Variants in RNF150 observed in about 807,000 individuals in gnomAD.
The protein encoded by RNF150 is ring finger protein 150.
In RNF150, 24 loss-of-function variants were observed where a neutral mutation model predicts 39.3. That is an observed-to-expected ratio of 0.61 (90% CI 0.44 to 0.86). The LOEUF (loss-of-function observed/expected upper bound fraction) is 0.86, where lower values mean the gene tolerates loss of function less well. Among genes scored for constraint, RNF150 ranks in the 40% least tolerant of loss-of-function variants. RNF150 has a pLI of 0.00. For synonymous variants in RNF150, 255 were observed against 227.3 expected (o/e 1.12, Z -1.10); for missense variants, 502 against 587.8 (o/e 0.85, Z 1.51).
At chr4:141,015,246 G>A (rs1319286137) in intron 1 of RNF150, among the ~76,000 whole-genome samples, 1 of 152,072 alleles carries the variant, frequency 6.6e-6, no homozygotes, top group Non-Finnish European at 1.5e-5. Context: ...AAATCAGGGG[G>A]CATGATGCTT....
intron 1 of RNF150, among the ~76,000 whole-genome samples, chr4:141,071,557 C>T (rs886440785): frequency 3.3e-5 from 5 of 151,936 alleles, no homozygotes; most frequent in South Asian, 2.1e-4. Context: ...CTGGAAAAAA[C>T]GTGAAACATT....
At chr4:141,052,382 C>G (rs1030631133) in intron 1 of RNF150, among the ~76,000 whole-genome samples, 4 of 152,014 alleles carry the variant, frequency 2.6e-5, no homozygotes, top group African/African-American at 7.2e-5. Context: ...ATTTTTTATT[C>G]TTTTATTTTT....
chr4:141,091,821 C>T (rs1560734076), intron 1 of RNF150, among the ~76,000 whole-genome samples: 3 of 152,132 alleles, frequency 2.0e-5, no homozygotes, highest in Admixed American at 6.5e-5. Context: ...AAAAGAACTA[C>T]AAGAATAGGC....
At chr4:140,895,279 T>G (rs1483734187) in intron 6 of RNF150, among the ~76,000 whole-genome samples, 1 of 152,182 alleles carries the variant, frequency 6.6e-6, no homozygotes, top group African/African-American at 2.4e-5. Context: ...GGTTATATTT[T>G]TAGAGACAGG....
chr4:140,983,223 A>G (rs527789081), intron 1 of RNF150, among the ~76,000 whole-genome samples: 2 of 152,182 alleles, frequency 1.3e-5, no homozygotes, highest in African/African-American at 4.8e-5. Flanking sequence ...AGCTGTATGC[A>G]GTGTTTTTCT....
chr4:141,028,295 T>C (rs1006881305), intron 1 of RNF150, among the ~76,000 whole-genome samples: 3 of 152,246 alleles, frequency 2.0e-5, no homozygotes, highest in African/African-American at 7.2e-5. Flanking sequence ...ATCTTTGATA[T>C]GCATGGCCAT....
intron 1 of RNF150, among the ~76,000 whole-genome samples, chr4:140,972,505 T>C (rs1429820365): frequency 6.6e-6 from 1 of 152,170 alleles, no homozygotes; most frequent in African/African-American, 2.4e-5. Context: ...ATTACATAGC[T>C]AGTTGTCCTC....
In RNF150 at chr4:141,184,361, C is replaced by A. The variant is rs537256104; in HGVS notation, c.-6+28433G>T. Among the ~76,000 whole-genome samples the A allele has an allele frequency of 2.6e-5, 4 of 151,920 alleles. No homozygotes were observed. In the East Asian group the frequency reaches 7.8e-4, roughly 30 times the overall value. The stretch of plus-strand genomic sequence containing the variant: ...CACTTTTTGATGGGGTTGTTTTTTT[C>A]TTGTAAATGTGTTTAAGTTCTTCGT... On this transcript the variant is annotated intron_variant, in intron 1 of 7. Coordinates refer to the RNF150 transcript ENST00000420921.
intron 1 of RNF150, among the ~76,000 whole-genome samples, chr4:141,166,753 C>T (rs918658117): frequency 2.0e-5 from 3 of 152,220 alleles, no homozygotes; most frequent in South Asian, 2.1e-4. Context: ...CCTTTTCATG[C>T]TAAAAACACT....
intron 1 of RNF150, among the ~76,000 whole-genome samples, chr4:141,185,713 T>C (rs190708089): frequency 7.2e-4 from 109 of 152,376 alleles, no homozygotes; most frequent in Non-Finnish European, 1.4e-3. Context: ...CATAAATACC[T>C]AGTTTATTGA....
intron 6 of RNF150, among the ~76,000 whole-genome samples, chr4:140,886,734 C>G (rs771748733): frequency 2.0e-5 from 3 of 152,192 alleles, no homozygotes; most frequent in Non-Finnish European, 4.4e-5. Context: ...CCCCCTCTAC[C>G]TCAGCCTCCC....
At chr4:141,127,384 G>A (rs2111100330) in intron 1 of RNF150, among the ~76,000 whole-genome samples, 1 of 152,264 alleles carries the variant, frequency 6.6e-6, no homozygotes, top group East Asian at 1.9e-4. Flanking sequence ...TCACTTAAAG[G>A]AAAATGTACA....
Position 141,019,124 on chromosome 4 carries a change from G to A in RNF150, c.485-51251C>T, listed in dbSNP as rs542358417. ...AATGTTAAAAGAAATGCATAGCAAT[G>A]AATAAAATGAGCTCAGAATTTCCTG... is the stretch of plus-strand genomic sequence containing the variant. On this transcript the variant is annotated intron_variant, in intron 1 of 6. Coordinates refer to ENST00000515673, the MANE Select transcript of RNF150 (RefSeq NM_020724.2). Among the ~76,000 whole-genome samples the A allele has an allele frequency of 2.9e-4, 43 of 146,160 alleles. 1 individual carries two copies. The highest frequency in any genetic ancestry group is 5.2e-4 in the Non-Finnish European group (35 of 67,026).
intron 5 of RNF150, 107 bp downstream of exon 5, chr4:140,925,870 T>C: frequency 1.3e-6 from 1 of 754,172 alleles, no homozygotes; most frequent in Non-Finnish European, 2.3e-6. Flanking sequence ...GTGACTGCTA[T>C]GTGTGACTGA....
rs1427827191 is a variant in RNF150 at position 140,916,862 on chromosome 4, G to A, written c.988-5508C>T. On this transcript the variant is annotated intron_variant, in intron 5 of 6. Coordinates refer to ENST00000515673, the MANE Select transcript of RNF150 (RefSeq NM_020724.2). ...TGATCTCTTGGCAGAAACTCTACAA[G>A]CCAGAAGAGAGTGGGAGCCAATATT... Among the ~76,000 whole-genome samples, 8 of 152,330 alleles carry A rather than the reference G, an allele frequency of 5.3e-5. No homozygotes were observed. The South Asian group carries it at 1.0e-3, about 20-fold the overall frequency.
At chr4:140,905,861 G>A (rs1041526546) in intron 6 of RNF150, among the ~76,000 whole-genome samples, 22 of 152,186 alleles carry the variant, frequency 1.4e-4, no homozygotes, top group African/African-American at 4.1e-4. Context: ...CAGGACAGGT[G>A]ATGTATGAGT....
chr4:141,108,276 T>C (rs1432682701), intron 1 of RNF150, among the ~76,000 whole-genome samples: 1 of 152,224 alleles, frequency 6.6e-6, no homozygotes, highest in African/African-American at 2.4e-5. Context: ...TCTTACATAA[T>C]GCAGTTAGGA....
chr4:141,028,412 T>C (rs368703726), intron 1 of RNF150, among the ~76,000 whole-genome samples: 7 of 152,166 alleles, frequency 4.6e-5, no homozygotes, highest in African/African-American at 1.7e-4. Context: ...GTGCCTACTT[T>C]TGCCAACAGC....
Position 140,862,001 on chromosome 4 carries a change from C to T in RNF150, c.*6260G>A, listed in dbSNP as rs1728510489. ...CCACCTTCGCTTTTATTTATGAGAA[C>T]ATTGGGAGAAAATTCAACTAGTCAA... On this transcript the variant is annotated 3_prime_UTR_variant, in exon 7 of 7. Coordinates refer to ENST00000515673, the MANE Select transcript of RNF150 (RefSeq NM_020724.2). The T allele has an allele frequency of 6.6e-6, 1 of 152,154 alleles. No homozygotes were observed. Among genetic ancestry groups the T allele is most frequent in the Non-Finnish European group, 1.5e-5 (1 of 68,034 alleles). The allele number at this position is 152,154 out of a possible 1,614,324, so 9.4% of individuals were successfully genotyped here.
Sources: allele counts gnomAD v4.1 joint callset (sites outside exome capture counted in the v4.1 genomes callset), GRCh38; gene constraint gnomAD v4.1.1; transcripts MANE v1.5; gene names NCBI Gene and HGNC (gene_info 2026-07-23, HGNC 2026-07-21).